Variants in TMEM114 observed in about 807,000 individuals in gnomAD.
The protein encoded by TMEM114 is transmembrane protein 114.
In TMEM114, 6 loss-of-function variants were observed where a neutral mutation model predicts 6.2. The observed-to-expected ratio is 0.97, with a 90% CI of 0.53 to 1.91. TMEM114 has a LOEUF of 1.91. TMEM114 is among the 40% of genes most tolerant of loss of function. TMEM114 has a pLI of 0.01. For synonymous variants in TMEM114, 104 were observed against 73.0 expected, an observed-to-expected ratio of 1.42 and a Z score of -2.16; for missense variants, 218 against 158.3, an observed-to-expected ratio of 1.38 and a Z score of -2.02.
At chr16:8,585,527 T>C (rs1048958684) in intron 2 of TMEM114, among the ~76,000 whole-genome samples, 4 of 152,086 alleles carry the variant, frequency 2.6e-5, no homozygotes, top group Non-Finnish European at 4.4e-5. Flanking sequence ...TTCTCCTCTA[T>C]GGCCTCTGCA....
chr16:8,585,099 T>C (rs925599688), intron 2 of TMEM114, among the ~76,000 whole-genome samples: 2 of 152,100 alleles, frequency 1.3e-5, no homozygotes, highest in Non-Finnish European at 2.9e-5. Flanking sequence ...ACGTCTTACA[T>C]GGCGGCAGGC....
chr16:8,548,268 G>A (rs118020941), intron 2 of TMEM114, among the ~76,000 whole-genome samples: 3,008 of 152,186 alleles, frequency 0.02, 128 homozygotes, highest in East Asian at 0.15. Flanking sequence ...TGCCTCTCAG[G>A]GTTGCTGTGA....
intron 2 of TMEM114, among the ~76,000 whole-genome samples, chr16:8,559,517 G>A (rs1258211194): frequency 6.6e-6 from 1 of 152,234 alleles, no homozygotes; most frequent in African/African-American, 2.4e-5. Flanking sequence ...AGTGGGTGCA[G>A]GAGGGAGCAA....
the TMEM114 span, among the ~76,000 whole-genome samples, chr16:8,527,697 G>T: frequency 6.6e-6 from 1 of 152,088 alleles, no homozygotes; most frequent in Non-Finnish European, 1.5e-5. Context: ...TACAGAAAAG[G>T]AAACTATGCT....
At chr16:8,546,020 C>T (rs1388111806) in intron 2 of TMEM114, among the ~76,000 whole-genome samples, 11 of 151,970 alleles carry the variant, frequency 7.2e-5, no homozygotes, top group African/African-American at 2.2e-4. Flanking sequence ...GAGGCTGAGG[C>T]GGGAGGATCA....
At chr16:8,575,906 GA>G (rs755722199) in intron 2 of TMEM114, among the ~76,000 whole-genome samples, 17 of 152,186 alleles carry the variant, frequency 1.1e-4, no homozygotes, top group Non-Finnish European at 2.2e-4. Context: ...CTCAGGCCGG[GA>G]GACCTGATTC....
At chr16:8,527,557 T>C in the TMEM114 span, among the ~76,000 whole-genome samples, 1 of 151,982 alleles carries the variant, frequency 6.6e-6, no homozygotes, top group Non-Finnish European at 1.5e-5. Context: ...TTTTTAATCA[T>C]GGAATTTTGC....
intron 2 of TMEM114, among the ~76,000 whole-genome samples, chr16:8,578,844 T>C (rs1178869090): frequency 6.6e-6 from 1 of 152,098 alleles, no homozygotes; most frequent in South Asian, 2.1e-4. Context: ...CTGGGCTTGG[T>C]GGCACAGGCC....
chr16:8,559,168 G>A lies in TMEM114; in HGVS notation n.213-21342C>T, dbSNP rs568917703. Among the ~76,000 whole-genome samples, 4 of 152,046 alleles carry A rather than the reference G, an allele frequency of 2.6e-5. No individual in the cohort carries two copies. The East Asian group carries it at 7.7e-4, about 29-fold the overall frequency. ...AGTGATTGTCCTGCCTCAGCCTCCT[G>A]GTTAGCTGGGACTATACGCATGCGC... On this transcript the variant is annotated intron_variant and non_coding_transcript_variant, in intron 2 of 2. Transcript: ENST00000623677.
At chr16:8,573,469 G>C (rs983891957) in intron 2 of TMEM114, among the ~76,000 whole-genome samples, 1 of 152,128 alleles carries the variant, frequency 6.6e-6, no homozygotes, top group African/African-American at 2.4e-5. Context: ...CATGATGAGG[G>C]GTGAATGGAG....
the TMEM114 span, among the ~76,000 whole-genome samples, chr16:8,528,067 C>T: frequency 0.018 from 2,759 of 152,154 alleles, 46 homozygotes; most frequent in African/African-American, 0.04. Context: ...TGCCACCATG[C>T]CCGGCTAAGT....
intron 2 of TMEM114, among the ~76,000 whole-genome samples, chr16:8,583,258 G>C (rs1399045009): frequency 6.6e-6 from 1 of 152,212 alleles, no homozygotes; most frequent in Non-Finnish European, 1.5e-5. Flanking sequence ...AGTGCATCTG[G>C]TGGGTCTGCG....
At chr16:8,550,505 C>T (rs1370638676) in intron 2 of TMEM114, among the ~76,000 whole-genome samples, 1 of 151,966 alleles carries the variant, frequency 6.6e-6, no homozygotes, top group African/African-American at 2.4e-5. Flanking sequence ...ATGGTGAAAC[C>T]CCATCTCTAC....
rs181948331 is a variant in TMEM114, at chr16:8,539,840, C to A, written n.213-2014G>T. ...TTTTTAATTATTTTATTTTTTTACA[C>A]AGAGTCTCGCTCTGCCACCCAGGCT... On this transcript the variant is annotated intron_variant and non_coding_transcript_variant, in intron 2 of 2. Transcript: ENST00000623677. 4.5e-3 allele frequency among the ~76,000 whole-genome samples: 679 copies of A among 152,152 alleles called. 10 individuals carry two copies. Among genetic ancestry groups the A allele is most frequent in the African/African-American group, 0.016 (661 of 41,514 alleles).
intron 2 of TMEM114, among the ~76,000 whole-genome samples, chr16:8,561,658 T>G (rs1351080083): frequency 6.6e-6 from 1 of 152,154 alleles, no homozygotes. Flanking sequence ...AGTGAATAAG[T>G]GAATGAATGA....
At chr16:8,572,005 C>G in intron 3 of TMEM114, 82 bp downstream of exon 3, 1 of 1,419,326 alleles carries the variant, frequency 7.0e-7, no homozygotes, top group Non-Finnish European at 9.3e-7. Flanking sequence ...GGATCCCCCT[C>G]GTTTGCTGAG....
chr16:8,557,906 G>C (rs1045787763), intron 2 of TMEM114, among the ~76,000 whole-genome samples: 1 of 152,128 alleles, frequency 6.6e-6, no homozygotes, highest in Non-Finnish European at 1.5e-5. Context: ...CCACAAATTA[G>C]GTGGCTTAAA....
the TMEM114 span, among the ~76,000 whole-genome samples, chr16:8,529,836 G>C: frequency 3.9e-5 from 6 of 152,070 alleles, 1 homozygote; most frequent in Non-Finnish European, 2.9e-5. Context: ...ATCTCCCCTA[G>C]GTGATTCTGA....
intron 2 of TMEM114, among the ~76,000 whole-genome samples, chr16:8,588,920 C>T (rs1902398061): frequency 1.3e-5 from 2 of 152,346 alleles, no homozygotes; most frequent in African/African-American, 4.8e-5. Flanking sequence ...GTCCCAGCAC[C>T]ACTGTGAGCC....
Sources: gnomAD v4.1 joint callset for allele counts (sites outside exome capture counted in the v4.1 genomes callset) on GRCh38, gnomAD v4.1.1 for gene constraint, MANE v1.5 for transcripts, NCBI Gene and HGNC (gene_info 2026-07-23, HGNC 2026-07-21) for gene names.